The following PTGR2 variants were observed in gnomAD, a reference collection of about 807,000 sequenced individuals.
PTGR2 encodes the protein prostaglandin reductase 2.
In PTGR2, 32 loss-of-function variants were observed where a neutral mutation model predicts 43.4. The observed-to-expected ratio is 0.74, with a 90% CI of 0.56 to 0.99. The LOEUF (loss-of-function observed/expected upper bound fraction) is 0.99, where lower values mean the gene tolerates loss of function less well. PTGR2 is among the 50% of genes least tolerant of loss of function. The probability of loss-of-function intolerance (pLI) is 0.00; values close to 1 mark genes in which losing one functional copy is unlikely to be tolerated. For synonymous variants in PTGR2, 106 were observed against 139.2 expected (o/e 0.76, Z 1.68); for missense variants, 373 against 420.0 (o/e 0.89, Z 0.98).
chr14:73,869,994 G>T (rs2054688912), intron 3 of PTGR2, among the ~76,000 whole-genome samples: 1 of 139,446 alleles, frequency 7.2e-6, no homozygotes, highest in African/African-American at 2.6e-5. Context: ...CCATTCCACT[G>T]CACTCCAGCT....
intron 6 of PTGR2, chr14:73,879,835 C>A: frequency 2.1e-6 from 1 of 485,420 alleles, no homozygotes; most frequent in Non-Finnish European, 3.7e-6. Flanking sequence ...TAATGTAATT[C>A]TTTTGCTGAT....
intron 1 of PTGR2, among the ~76,000 whole-genome samples, chr14:73,856,107 G>A (rs1016904002): frequency 4.0e-5 from 6 of 151,772 alleles, no homozygotes; most frequent in African/African-American, 1.5e-4. Context: ...TGTTAATAAA[G>A]TCTAAGTAGC....
intron 3 of PTGR2, among the ~76,000 whole-genome samples, chr14:73,870,149 A>G (rs1007720490): frequency 2.0e-5 from 3 of 151,858 alleles, no homozygotes; most frequent in Admixed American, 6.6e-5. Flanking sequence ...CTTGGGCAGC[A>G]ACGCAAGACC....
At chr14:73,880,289 T>C in intron 7 of PTGR2, 113 bp downstream of exon 7, 1 of 1,337,342 alleles carries the variant, frequency 7.5e-7, no homozygotes, top group Non-Finnish European at 1.1e-6. Context: ...AATAAAACTT[T>C]AGGTCGGGCA....
chr14:73,854,078 G>A (rs2054289824), intron 1 of PTGR2, among the ~76,000 whole-genome samples: 1 of 151,856 alleles, frequency 6.6e-6, no homozygotes, highest in South Asian at 2.1e-4. Context: ...CTAAATCTAG[G>A]TATCTATATT....
At chr14:73,878,589 G>C in intron 5 of PTGR2, 1 of 406,326 alleles carries the variant, frequency 2.5e-6, no homozygotes, top group Non-Finnish European at 4.7e-6. Context: ...GCAACAAGCT[G>C]TAGCTCCTGG....
In PTGR2 at chr14:73,874,089, G is replaced by C. The variant is rs1396320878; in HGVS notation, c.223G>C (p.Asp75His). ...ACCTTGGCAGCTATCTCAAGTCGTT[G>C]ATGGAGGAGGTATTGGAATTATAGA... ...ITPWQLSQVV[D>H]GGGIGIIEES... Residue 75 changes from aspartate to histidine, a missense_variant, in exon 4 of 10, where the codon GAT becomes CAT. Physicochemically the swap from Asp to His is moderately conservative, Grantham distance 81. Transcript: ENST00000555661. The C allele has an allele frequency of 1.2e-6, 2 of 1,613,884 alleles. No homozygotes were observed. Among genetic ancestry groups the C allele is most frequent in the Non-Finnish European group, 8.5e-7 (1 of 1,179,840 alleles).
chr14:73,854,529 A>G (rs540149482), intron 1 of PTGR2, among the ~76,000 whole-genome samples: 2 of 152,248 alleles, frequency 1.3e-5, no homozygotes, highest in African/African-American at 4.8e-5. Flanking sequence ...GAGAACTTTA[A>G]TAGTATATTT....
At chr14:73,871,771 T>C (rs1404873096) in intron 3 of PTGR2, among the ~76,000 whole-genome samples, 1 of 152,144 alleles carries the variant, frequency 6.6e-6, no homozygotes, top group Non-Finnish European at 1.5e-5. Flanking sequence ...ACATCTGTTT[T>C]TAGAAGTGTT....
At chr14:73,857,831 G>A (rs915681763) in intron 1 of PTGR2, among the ~76,000 whole-genome samples, 1 of 151,484 alleles carries the variant, frequency 6.6e-6, no homozygotes, top group African/African-American at 2.4e-5. Flanking sequence ...ACCACGCCTG[G>A]CTTATTTTTT....
At chr14:73,874,730 G>A (rs1028881550) in intron 4 of PTGR2, 5 of 369,396 alleles carry the variant, frequency 1.4e-5, no homozygotes, top group Admixed American at 3.5e-5. Flanking sequence ...GTTTTTGGGG[G>A]AAATGGCAAC....
At chr14:73,882,764 T>C (rs1222244858) in intron 9 of PTGR2, among the ~76,000 whole-genome samples, 1 of 142,198 alleles carries the variant, frequency 7.0e-6, no homozygotes, top group Non-Finnish European at 1.5e-5. Flanking sequence ...CCTCCCAAAG[T>C]GCTGGGATTA....
At chr14:73,882,347 A>G in intron 8 of PTGR2, 52 bp from the exon 9 acceptor site, 1 of 1,108,572 alleles carries the variant, frequency 9.0e-7, no homozygotes, top group Non-Finnish European at 1.4e-6. Context: ...AAACTATCAT[A>G]TAGAAACATT....
rs1238393718 is a variant in PTGR2, at chr14:73,885,164, C to G, written c.*987C>G. On this transcript the variant is annotated 3_prime_UTR_variant, in exon 10 of 10. Transcript: ENST00000555661. The stretch of plus-strand genomic sequence containing the variant: ...ATTAGCTGGGCGTGGTGGCACACGC[C>G]TGTAATCCCAGCTACTCAGGAGGCT... The G allele has an allele frequency of 6.6e-6, 1 of 152,322 alleles. No homozygotes were observed. The highest frequency in any genetic ancestry group is 1.5e-5 in the Non-Finnish European group (1 of 68,150). 9.4% of individuals were successfully genotyped at this position (152,322 alleles called of 1,614,324 possible).
At chr14:73,867,043 C>T (rs181585265) in intron 3 of PTGR2, among the ~76,000 whole-genome samples, 5 of 137,218 alleles carry the variant, frequency 3.6e-5, no homozygotes, top group East Asian at 4.4e-4. Context: ...AAGCCAAGAT[C>T]GCGGCATTGC....
chr14:73,872,361 A>T (rs2054756078), intron 3 of PTGR2, among the ~76,000 whole-genome samples: 1 of 152,240 alleles, frequency 6.6e-6, no homozygotes, highest in African/African-American at 2.4e-5. Context: ...AGCCCAAAAG[A>T]AATCAAGTTT....
chr14:73,855,473 G>A (rs2054324021), intron 1 of PTGR2, among the ~76,000 whole-genome samples: 4 of 151,912 alleles, frequency 2.6e-5, no homozygotes, highest in African/African-American at 9.7e-5. Context: ...TTGAGACAGG[G>A]TCTCACTCTG....
intron 9 of PTGR2, among the ~76,000 whole-genome samples, chr14:73,882,904 T>G (rs895148153): frequency 1.5e-5 from 2 of 134,430 alleles, no homozygotes; most frequent in African/African-American, 5.7e-5. Flanking sequence ...CACTGCAACC[T>G]CCACCTCCCG....
At position 73,858,918 on chromosome 14, in the gene PTGR2, T is replaced by G. The variant is rs764343013; in HGVS notation, c.37+19T>G. ...CGACCTGGTATGTATTTGCGATGAA[T>G]GAACAACTCTGATCTTTGATAAGTA... On this transcript the variant is annotated intron_variant, in intron 2 of 9. Transcript: ENST00000555661. 3 of 1,590,360 alleles carry G rather than the reference T, an allele frequency of 1.9e-6. No individual in the cohort carries two copies. The South Asian group carries it at 3.3e-5, about 18-fold the overall frequency.
Sources: gnomAD v4.1 joint callset for allele counts (sites outside exome capture counted in the v4.1 genomes callset) on GRCh38, gnomAD v4.1.1 for gene constraint, MANE v1.5 for transcripts, NCBI Gene and HGNC (gene_info 2026-07-23, HGNC 2026-07-21) for gene names.